Variants in GLT8D2 observed in about 807,000 individuals in gnomAD.
GLT8D2 encodes glycosyltransferase 8 domain-containing protein 2.
A neutral mutation model predicts 44.5 loss-of-function variants in GLT8D2; 45 were observed. The observed-to-expected ratio is 1.01, with a 90% CI of 0.80 to 1.30. The LOEUF (loss-of-function observed/expected upper bound fraction) is 1.30. Among genes scored for constraint, GLT8D2 ranks in the 50% most tolerant of loss-of-function variants. The probability of loss-of-function intolerance (pLI) is 0.00; values close to 1 mark genes in which losing one functional copy is unlikely to be tolerated. For synonymous variants in GLT8D2, 156 were observed against 157.2 expected (o/e 0.99, Z 0.06); for missense variants, 400 against 430.4 (o/e 0.93, Z 0.62).
intron 1 of GLT8D2, among the ~76,000 whole-genome samples, chr12:104,056,073 GT>G (rs1369009135): frequency 6.6e-6 from 1 of 152,170 alleles, no homozygotes; most frequent in Non-Finnish European, 1.5e-5. Context: ...TGCGGTAACT[GT>G]TTTTCTTCCT....
At chr12:104,043,003 C>T (rs1477624408) in intron 1 of GLT8D2, among the ~76,000 whole-genome samples, 1 of 152,182 alleles carries the variant, frequency 6.6e-6, no homozygotes, top group Middle Eastern at 3.2e-3. Context: ...AAGAACTGCA[C>T]CACAGGACTT....
intron 6 of GLT8D2, among the ~76,000 whole-genome samples, chr12:103,997,914 T>TACACAC (rs59719067): frequency 0.057 from 8,306 of 145,994 alleles, 272 homozygotes; most frequent in Admixed American, 0.11. Context: ...CAGCCTTAAA[T>TACACAC]ACACACACAC....
chr12:104,057,970 C>T (rs1195759858), intron 1 of GLT8D2, among the ~76,000 whole-genome samples: 2 of 152,196 alleles, frequency 1.3e-5, no homozygotes, highest in African/African-American at 4.8e-5. Context: ...GCTAGGGGTT[C>T]AGTGTCCAAG....
intron 4 of GLT8D2, among the ~76,000 whole-genome samples, chr12:104,012,409 C>T (rs2700517): frequency 0.9 from 136,690 of 152,146 alleles, 61,471 homozygotes; most frequent in East Asian, 1. Context: ...TCCATTCATG[C>T]GGTCCAAATG....
At chr12:104,051,843 A>G (rs1305456409), upstream of GLT8D2, among the ~76,000 whole-genome samples, 1 of 152,146 alleles carries the variant, frequency 6.6e-6, no homozygotes, top group African/African-American at 2.4e-5. Context: ...AACACTTCAC[A>G]TATATTTAGA....
At chr12:104,019,870 G>C (rs1487877557) in intron 2 of GLT8D2, among the ~76,000 whole-genome samples, 194 bp from the exon 3 acceptor site, 2 of 152,234 alleles carry the variant, frequency 1.3e-5, no homozygotes, top group East Asian at 3.9e-4. Context: ...GCCTCTGGTT[G>C]AACAAACCTT....
At chr12:104,010,024 C>CAAA (rs35091496) in intron 4 of GLT8D2, among the ~76,000 whole-genome samples, 8 of 150,828 alleles carry the variant, frequency 5.3e-5, no homozygotes, top group Non-Finnish European at 5.9e-5. Flanking sequence ...ATAAACAAAC[C>CAAA]AAAAAAAAAG....
intron 3 of GLT8D2, among the ~76,000 whole-genome samples, chr12:104,019,193 T>C (rs946583273): frequency 5.4e-5 from 8 of 148,060 alleles, no homozygotes; most frequent in African/African-American, 1.5e-4. Context: ...AGTGGTGCAA[T>C]CTCAGCTCAC....
chr12:103,996,237 A>G (rs1459612808), intron 8 of GLT8D2, among the ~76,000 whole-genome samples: 1 of 152,184 alleles, frequency 6.6e-6, no homozygotes, highest in African/African-American at 2.4e-5. Flanking sequence ...GGGTAAGGAG[A>G]TCTTTACCCT....
Position 104,021,421 on chromosome 12 carries a change from G to A in GLT8D2, c.-93C>T, listed in dbSNP as rs1312836271. The stretch of plus-strand genomic sequence containing the variant: ...TTCAAGAACAGATGTCCAATACTCA[G>A]CTCACAATCTTCTTCCACGCTCTGC... On this transcript the variant is annotated 5_prime_UTR_variant, in exon 2 of 11. Coordinates refer to ENST00000360814, the MANE Select transcript of GLT8D2 (RefSeq NM_001384711.1). 6.6e-6 allele frequency: 1 copy of A among 152,372 alleles called. No individual in the cohort carries two copies. The highest frequency in any genetic ancestry group is 1.5e-5 in the Non-Finnish European group (1 of 68,194). 9.4% of individuals were successfully genotyped at this position (152,372 alleles called of 1,614,324 possible). A position where few individuals can be genotyped will look rare whatever the true frequency, so the allele number is the denominator to read the frequency against.
Position 104,008,109 on chromosome 12 carries a change from T to C in GLT8D2, c.113-4803A>G, listed in dbSNP as rs117651141. On this transcript the variant is annotated intron_variant, in intron 4 of 10. Transcript: ENST00000360814. ...GTAGAGTGGGACGTTGTTGAAAAGA[T>C]ACCAACAAATATGGAAGCAACTTTG... Among the ~76,000 whole-genome samples the C allele has an allele frequency of 1.5e-3, 225 of 152,332 alleles. 3 individuals carry two copies. Among genetic ancestry groups the C allele is most frequent in the East Asian group, 0.014 (75 of 5,192 alleles).
chr12:104,038,535 C>T (rs533107616), intron 1 of GLT8D2, among the ~76,000 whole-genome samples: 4 of 152,258 alleles, frequency 2.6e-5, no homozygotes, highest in Non-Finnish European at 5.9e-5. Context: ...TGAGTGAACT[C>T]CCATTCACAA....
At chr12:104,014,940 G>T in intron 4 of GLT8D2, 73 bp downstream of exon 4, 1 of 1,061,220 alleles carries the variant, frequency 9.4e-7, no homozygotes, top group Non-Finnish European at 1.4e-6. Context: ...CCCAGCTATT[G>T]AAAGGACCTA....
intron 6 of GLT8D2, 75 bp downstream of exon 6, chr12:103,999,322 C>A: frequency 1.3e-6 from 1 of 766,056 alleles, no homozygotes. Flanking sequence ...ACATGCATCC[C>A]GGTGACTAGC....
At chr12:104,047,176 G>A (rs140636126) in intron 1 of GLT8D2, among the ~76,000 whole-genome samples, 117 of 152,184 alleles carry the variant, frequency 7.7e-4, no homozygotes, top group Admixed American at 1.4e-3. Flanking sequence ...TATAGTTCTG[G>A]AAGCTGAGAA....
intron 1 of GLT8D2, chr12:104,049,332 T>A (rs1047820832): frequency 2.6e-5 from 4 of 152,168 alleles, no homozygotes; most frequent in African/African-American, 9.7e-5. Flanking sequence ...GTGTGACACT[T>A]GCTTATAAAG....
chr12:104,060,888 A>T (rs1161574030), intron 1 of GLT8D2, among the ~76,000 whole-genome samples: 1 of 151,998 alleles, frequency 6.6e-6, no homozygotes, highest in Non-Finnish European at 1.5e-5. Context: ...GCACCATTGC[A>T]CTCCAACCTG....
chr12:103,997,028 T>C (rs1873517544), intron 7 of GLT8D2, among the ~76,000 whole-genome samples, 181 bp from the exon 8 acceptor site: 1 of 152,244 alleles, frequency 6.6e-6, no homozygotes, highest in African/African-American at 2.4e-5. Context: ...AGCCACTGGA[T>C]GATGAGTTCA....
At chr12:104,053,757 G>A (rs1046776167), upstream of GLT8D2, among the ~76,000 whole-genome samples, 3 of 151,926 alleles carry the variant, frequency 2.0e-5, no homozygotes, top group African/African-American at 7.3e-5. Context: ...AGTGGCAGGC[G>A]CCTGTAGTCC....
Sources: allele counts gnomAD v4.1 joint callset (sites outside exome capture counted in the v4.1 genomes callset), GRCh38; gene constraint gnomAD v4.1.1; transcripts MANE v1.5; gene names NCBI Gene and HGNC (gene_info 2026-07-23, HGNC 2026-07-21).